COQ3: variants seen among roughly 807,000 people sequenced by gnomAD.
The protein encoded by COQ3 is ubiquinone biosynthesis O-methyltransferase, mitochondrial.
In COQ3, 29 loss-of-function variants were observed where a neutral mutation model predicts 33.1. That is an observed-to-expected ratio of 0.88 (90% CI 0.65 to 1.19). The LOEUF (loss-of-function observed/expected upper bound fraction) is 1.19. COQ3 is among the 50% of genes most tolerant of loss of function. The pLI is 0.00. For synonymous variants in COQ3, 173 were observed against 157.8 expected (o/e 1.10, Z -0.72); for missense variants, 437 against 430.7 (o/e 1.01, Z -0.13).
Position 99,375,953 on chromosome 6 carries a change from C to T in COQ3, c.716G>A (p.Cys239Tyr). ...CATAAGCCTTACTTTTAACACTTGACAGCAGCACTGTAAAAATGTTTCTAG... is the reference window on the plus strand; with the variant it reads ...CATAAGCCTTACTTTTAACACTTGATAGCAGCACTGTAAAAATGTTTCTAG... ...IDLETFLQCC[C>Y]QVLKPGGSLF... The change falls in exon 5 of 7, where the codon TGT becomes TAT. Residue 239 changes from cysteine to tyrosine, a missense_variant. Cys to Tyr is a radical substitution (Grantham distance 194). Transcript: ENST00000254759. 6.2e-7 allele frequency: 1 copy of T among 1,614,010 alleles called. No homozygotes were observed. Among genetic ancestry groups the T allele is most frequent in the South Asian group, 1.1e-5 (1 of 91,078 alleles).
chr6:99,376,778 C>T (rs1303376864), intron 4 of COQ3, among the ~76,000 whole-genome samples: 1 of 151,894 alleles, frequency 6.6e-6, no homozygotes, highest in African/African-American at 2.4e-5. Flanking sequence ...CAAGACCAAC[C>T]TGGCCAACAT....
At chr6:99,379,823 C>A (rs932244896) in intron 3 of COQ3, among the ~76,000 whole-genome samples, 5 of 151,658 alleles carry the variant, frequency 3.3e-5, no homozygotes, top group African/African-American at 4.8e-5. Context: ...ACATTGCACT[C>A]CCCTCTGGGT....
intron 1 of COQ3, among the ~76,000 whole-genome samples, chr6:99,391,790 G>A (rs1251166379): frequency 6.6e-6 from 1 of 152,140 alleles, no homozygotes; most frequent in East Asian, 1.9e-4. Flanking sequence ...CTTGAGCCCA[G>A]GAGTTCAAGA....
intron 4 of COQ3, 56 bp downstream of exon 4, chr6:99,377,330 G>C (rs1774317540): frequency 8.2e-7 from 1 of 1,220,694 alleles, no homozygotes; most frequent in Non-Finnish European, 1.2e-6. Flanking sequence ...TGAGGCACAA[G>C]TCTACTTCTT....
At chr6:99,387,597 T>A (rs914291896) in intron 1 of COQ3, among the ~76,000 whole-genome samples, 18 of 152,302 alleles carry the variant, frequency 1.2e-4, no homozygotes, top group Middle Eastern at 3.4e-3. Context: ...GAAATTATCT[T>A]ACAAAACAGC....
intron 1 of COQ3, 106 bp from the exon 2 acceptor site, chr6:99,383,930 T>C: frequency 1.1e-6 from 1 of 892,214 alleles, no homozygotes; most frequent in South Asian, 1.8e-5. Context: ...TTTTATAGTC[T>C]TGCTCTGCCA....
In COQ3 at chr6:99,388,920, CA is replaced by C. The variant is rs1562210345; in HGVS notation, c.107-5097del. On this transcript the variant is annotated intron_variant, in intron 1 of 6. Transcript: ENST00000254759. ...ACACACACACACACACACACACACA[CA>C]CACACACACACACCCACATCCTCAC... Among the ~76,000 whole-genome samples, 1,276 of 149,680 alleles carry C rather than the reference CA, an allele frequency of 8.5e-3. 13 individuals carry two copies. The highest frequency in any genetic ancestry group is 0.029 in the African/African-American group (1,188 of 41,254).
chr6:99,378,145 TATATATATATATTTAGAG>T (rs1322224957), intron 3 of COQ3, among the ~76,000 whole-genome samples: 2 of 25,014 alleles, frequency 8.0e-5, no homozygotes, highest in Admixed American at 4.2e-4. Context: ...TATATATATA[TATATATATATATTTAGAG>T]AGAGAGAGAG....
intron 5 of COQ3, among the ~76,000 whole-genome samples, chr6:99,372,233 C>T (rs1418191485): frequency 1.3e-5 from 2 of 151,932 alleles, no homozygotes; most frequent in Non-Finnish European, 2.9e-5. Flanking sequence ...GCGAAACCCC[C>T]GTCTCTACTA....
chr6:99,377,318 A>C, intron 4 of COQ3, 68 bp downstream of exon 4: 1 of 1,148,498 alleles, frequency 8.7e-7, no homozygotes, highest in Non-Finnish European at 1.3e-6. Context: ...TGAAAGAATA[A>C]ATGAGGCACA....
At chr6:99,378,158 T>TATA (rs1774360978) in intron 3 of COQ3, among the ~76,000 whole-genome samples, 6 of 81,278 alleles carry the variant, frequency 7.4e-5, no homozygotes, top group Admixed American at 1.5e-4. Context: ...ATATATATAT[T>TATA]TAGAGAGAGA....
At chr6:99,378,989 C>A (rs1774387551) in intron 3 of COQ3, among the ~76,000 whole-genome samples, 1 of 149,680 alleles carries the variant, frequency 6.7e-6, no homozygotes, top group Non-Finnish European at 1.5e-5. Context: ...TGCTCCCTTG[C>A]AGTTCCCTTT....
At chr6:99,385,693 A>G (rs989573255) in intron 1 of COQ3, among the ~76,000 whole-genome samples, 3 of 152,098 alleles carry the variant, frequency 2.0e-5, no homozygotes, top group African/African-American at 7.2e-5. Context: ...AAGGGCCAGG[A>G]ATGGTGGCTC....
chr6:99,373,559 T>C (rs1158819217), intron 5 of COQ3, among the ~76,000 whole-genome samples: 3 of 152,238 alleles, frequency 2.0e-5, no homozygotes, highest in Non-Finnish European at 2.9e-5. Context: ...AAATTAGTTT[T>C]AAACCCTACA....
chr6:99,394,067 C>A lies in COQ3; in HGVS notation c.106+7G>T. On this transcript the variant is annotated splice_region_variant and intron_variant, in intron 1 of 6. Transcript: ENST00000254759. ...TGCATGCGAAGGACCTCCGCACACACACTCACCCGCCGAGGAAATTAAGGG... is the reference window on the plus strand; with the variant it reads ...TGCATGCGAAGGACCTCCGCACACAAACTCACCCGCCGAGGAAATTAAGGG... 6.2e-7 allele frequency: 1 copy of A among 1,610,722 alleles called. No homozygotes were observed. The highest frequency in any genetic ancestry group is 8.5e-7 in the Non-Finnish European group (1 of 1,176,928).
rs1236522379 is a variant in COQ3 at position 99,389,354 on chromosome 6, A to G, written c.106+4720T>C. Reference sequence around the variant, plus strand: ...TGACCCGCCTGATCTCAAACTCCTGACCTCAAGTGATCTGCCCGCCTCAGC... The same window carrying G: ...TGACCCGCCTGATCTCAAACTCCTGGCCTCAAGTGATCTGCCCGCCTCAGC... On this transcript the variant is annotated intron_variant, in intron 1 of 6. Coordinates refer to ENST00000254759, the MANE Select transcript of COQ3 (RefSeq NM_017421.4). Among the ~76,000 whole-genome samples, 4 of 152,216 alleles carry G rather than the reference A, an allele frequency of 2.6e-5. No individual in the cohort carries two copies. In the East Asian group the frequency reaches 7.7e-4, roughly 29 times the overall value.
chr6:99,388,992 G>A (rs376274578), intron 1 of COQ3, among the ~76,000 whole-genome samples: 2 of 151,372 alleles, frequency 1.3e-5, no homozygotes, highest in South Asian at 4.2e-4. Context: ...AACCAAATAA[G>A]GTCTGTAGTG....
At chr6:99,389,217 G>C (rs1301998679) in intron 1 of COQ3, among the ~76,000 whole-genome samples, 1 of 152,160 alleles carries the variant, frequency 6.6e-6, no homozygotes. Context: ...CTGCCTCCCA[G>C]TTTCAAGTGA....
At chr6:99,390,395 GAGATCTCAGCTCACTACA>G (rs1774791931) in intron 1 of COQ3, among the ~76,000 whole-genome samples, 1 of 147,988 alleles carries the variant, frequency 6.8e-6, no homozygotes, top group Non-Finnish European at 1.5e-5. Context: ...GTGCAGTGGC[GAGATCTCAGCTCACTACA>G]AGTTCTGCCT....
Sources: allele counts gnomAD v4.1 joint callset (sites outside exome capture counted in the v4.1 genomes callset), GRCh38; gene constraint gnomAD v4.1.1; transcripts MANE v1.5; gene names NCBI Gene and HGNC (gene_info 2026-07-23, HGNC 2026-07-21).